PCDHGA5: variants seen among roughly 807,000 people sequenced by gnomAD.
PCDHGA5 encodes the protein protocadherin gamma subfamily A, 5, also known as protocadherin gamma-A5.
In PCDHGA5, 36 loss-of-function variants were observed where a neutral mutation model predicts 56.7. The observed-to-expected ratio is 0.64, with a 90% CI of 0.49 to 0.84. The LOEUF is 0.84. Ranked by LOEUF, PCDHGA5 falls within the 40% of genes least tolerant of loss-of-function variation. The pLI is 0.00. For missense variants in PCDHGA5, 1,305 were observed against 1,201.5 expected (o/e 1.09, Z -1.27); for synonymous variants, 563 against 520.2 (o/e 1.08, Z -1.12).
At position 141,431,108 on chromosome 5, in the gene PCDHGA5, T is replaced by C; in HGVS notation, c.2422-63699T>C. 1 of 1,614,180 alleles carries C rather than the reference T, an allele frequency of 6.2e-7. No homozygotes were observed. The highest frequency in any genetic ancestry group is 8.5e-7 in the Non-Finnish European group (1 of 1,180,032). On this transcript the variant is annotated intron_variant, in intron 1 of 3. Coordinates refer to ENST00000518069, the MANE Select transcript of PCDHGA5 (RefSeq NM_018918.3). This position sits in a 1 kb window ranked among gnomAD's most constrained non-coding sequence, Gnocchi z 4.8. ...TCTGATGGAGGATAAAGTGAAAATATATGGAGTAGAAGTAGAAGTAAGGGA... is the reference window on the plus strand; with the variant it reads ...TCTGATGGAGGATAAAGTGAAAATACATGGAGTAGAAGTAGAAGTAAGGGA...
At chr5:141,387,706 C>T in intron 1 of PCDHGA5, 1 of 992,322 alleles carries the variant, frequency 1.0e-6, no homozygotes. Flanking sequence ...CCAGGGCAGC[C>T]CCAGCTCAGA....
chr5:141,445,623 A>G (rs2098472971), intron 1 of PCDHGA5, among the ~76,000 whole-genome samples: 1 of 152,172 alleles, frequency 6.6e-6, no homozygotes, highest in South Asian at 2.1e-4. Flanking sequence ...TTTTTTTCGG[A>G]AAGTGATATT....
chr5:141,494,556 T>C (rs909822734), intron 1 of PCDHGA5, among the ~76,000 whole-genome samples: 18 of 152,120 alleles, frequency 1.2e-4, no homozygotes, highest in African/African-American at 4.3e-4. Context: ...GCCATTTCTT[T>C]AGGAAAGGAG....
intron 1 of PCDHGA5, chr5:141,379,257 A>G (rs1561582852): frequency 6.6e-6 from 1 of 152,234 alleles, no homozygotes. Flanking sequence ...TTTACATTTA[A>G]GGAATTGTTA....
At chr5:141,399,675 T>C (rs753709757) in intron 1 of PCDHGA5, 3 of 1,613,618 alleles carry the variant, frequency 1.9e-6, no homozygotes, top group South Asian at 2.2e-5. Context: ...AGCGCGCCTT[T>C]GACTACGAGC....
At chr5:141,455,503 T>C (rs1005615473) in intron 1 of PCDHGA5, among the ~76,000 whole-genome samples, 3 of 152,302 alleles carry the variant, frequency 2.0e-5, no homozygotes, top group Middle Eastern at 3.4e-3. Context: ...CTGATTTGCA[T>C]AGGGCTCAGG....
chr5:141,477,857 C>T lies in PCDHGA5; in HGVS notation c.2422-16950C>T. ...AGGTGGGAGCTCGGTGGAGATGCTG[C>T]CTCGAGGTACCTCAGCTGGCCACCT... On this transcript the variant is annotated intron_variant, in intron 1 of 3. Transcript: ENST00000518069. The surrounding 1 kb of genome is among the most constrained non-coding windows in gnomAD (Gnocchi z 4.9). The T allele has an allele frequency of 6.2e-7, 1 of 1,613,574 alleles. No individual in the cohort carries two copies. The highest frequency in any genetic ancestry group is 8.5e-7 in the Non-Finnish European group (1 of 1,179,836).
intron 1 of PCDHGA5, among the ~76,000 whole-genome samples, chr5:141,438,641 C>T (rs1285585706): frequency 0.044 from 3,509 of 79,018 alleles, 123 homozygotes; most frequent in Non-Finnish European, 0.061. Flanking sequence ...TATATACACA[C>T]ACACACACAC....
rs374836826 is a variant in PCDHGA5 at position 141,366,527 on chromosome 5, G to T, written c.2197G>T (p.Ala733Ser). ...RLLQAEGSRL[A>S]GVPASHFVGV... The stretch of plus-strand genomic sequence containing the variant: ...GCTTCAGGCTGAAGGCAGCAGGTTG[G>T]CGGGTGTGCCCGCCTCGCACTTTGT... The change falls in exon 1 of 4, where the codon GCG becomes TCG. Residue 733 changes from alanine to serine, a missense_variant. Transcript: ENST00000518069. The T allele has an allele frequency of 2.5e-6, 4 of 1,614,142 alleles. No homozygotes were observed. The highest frequency in any genetic ancestry group is 3.4e-6 in the Non-Finnish European group (4 of 1,180,060).
rs1388608588 is a variant in PCDHGA5 at position 141,481,102 on chromosome 5, A to T, written c.2422-13705A>T. The stretch of plus-strand genomic sequence containing the variant: ...GAAAAAAGAAAAGCAGTACTCTGGA[A>T]CCTACCAATCCATCATTTAGCATAT... On this transcript the variant is annotated intron_variant, in intron 1 of 3. Transcript: ENST00000518069. 3.3e-5 allele frequency among the ~76,000 whole-genome samples: 5 copies of T among 152,288 alleles called. No individual in the cohort carries two copies. The East Asian group carries it at 7.7e-4, about 24-fold the overall frequency.
At position 141,365,940 on chromosome 5, in the gene PCDHGA5, G is replaced by A. The variant is rs1433915160; in HGVS notation, c.1610G>A (p.Ser537Asn). The change falls in exon 1 of 4, where the codon AGT becomes AAT. Residue 537 changes from serine to asparagine, a missense_variant. By Grantham distance (46) the Ser-to-Asn change is conservative. Transcript: ENST00000518069. ...CAGTTGTGGGTGACAGCCAGCGACA[G>A]TGGGAACCCTCCACTTAGCAGCAAC... ...DLQLWVTASD[S>N]GNPPLSSNVS... 1 of 1,614,248 alleles carries A rather than the reference G, an allele frequency of 6.2e-7. No homozygotes were observed. The highest frequency in any genetic ancestry group is 2.2e-5 in the East Asian group (1 of 44,886).
At chr5:141,412,198 G>T (rs1248911071) in intron 1 of PCDHGA5, 1 of 152,180 alleles carries the variant, frequency 6.6e-6, no homozygotes, top group African/African-American at 2.4e-5. Flanking sequence ...ATGAAAACAG[G>T]TCATTTGACA....
rs766638463 is a variant in PCDHGA5 at position 141,476,525 on chromosome 5, A to G, written c.2422-18282A>G. ...CAACGACAACAATCCTGCTTTCCCT[A>G]CCCAGGAAATGAAATTGGAGATTAG... On this transcript the variant is annotated intron_variant, in intron 1 of 3. Transcript: ENST00000518069. This position sits in a 1 kb window ranked among gnomAD's most constrained non-coding sequence, Gnocchi z 7.6. 6 of 1,613,950 alleles carry G rather than the reference A, an allele frequency of 3.7e-6. No homozygotes were observed. The African/African-American group carries it at 6.7e-5, about 18-fold the overall frequency.
chr5:141,444,997 A>G (rs2154560871), intron 1 of PCDHGA5, among the ~76,000 whole-genome samples: 1 of 152,292 alleles, frequency 6.6e-6, no homozygotes, highest in Admixed American at 6.5e-5. Context: ...ATATATTTCC[A>G]TTTAATTAGG....
chr5:141,423,750 T>TGGG lies in PCDHGA5; in HGVS notation c.2421+57007_2421+57009dup, dbSNP rs144521096. 4.7e-3 allele frequency: 1,348 copies of TGGG among 288,070 alleles called. 1 individual carries two copies. The highest frequency in any genetic ancestry group is 5.4e-3 in the Non-Finnish European group (1,192 of 221,408). 17.8% of individuals were successfully genotyped at this position (288,070 alleles called of 1,614,324 possible). A position where few individuals can be genotyped will look rare whatever the true frequency, so the allele number is the denominator to read the frequency against. ...TTTTGAGCCTGTTATGAAAACTGTT[T>TGGG]GGGGGGGGGGTGGGGCGGCATATAT... is the stretch of plus-strand genomic sequence containing the variant. On this transcript the variant is annotated intron_variant, in intron 1 of 3. Coordinates refer to ENST00000518069, the MANE Select transcript of PCDHGA5 (RefSeq NM_018918.3).
Position 141,485,168 on chromosome 5 carries a change from G to A in PCDHGA5, c.2422-9639G>A. The A allele has an allele frequency of 6.2e-7, 1 of 1,608,668 alleles. No individual in the cohort carries two copies. Among genetic ancestry groups the A allele is most frequent in the Non-Finnish European group, 8.5e-7 (1 of 1,175,736 alleles). ...GGAGCAAGTAGAGAATTAGCGGGCG[G>A]CAGCAATGCTCCGCAAGGTGAGAAG... is the stretch of plus-strand genomic sequence containing the variant. On this transcript the variant is annotated intron_variant, in intron 1 of 3. Coordinates refer to ENST00000518069, the MANE Select transcript of PCDHGA5 (RefSeq NM_018918.3). This position sits in a 1 kb window ranked among gnomAD's most constrained non-coding sequence, Gnocchi z 5.7.
rs141605264 is a variant in PCDHGA5, at chr5:141,479,755, A to C, written c.2422-15052A>C. The C allele has an allele frequency of 2.6e-3, 390 of 152,364 alleles. 2 individuals are homozygous for C. The highest frequency in any genetic ancestry group is 9.1e-3 in the African/African-American group (378 of 41,580). 9.4% of individuals were successfully genotyped at this position (152,364 alleles called of 1,614,324 possible). On this transcript the variant is annotated intron_variant, in intron 1 of 3. Coordinates refer to ENST00000518069, the MANE Select transcript of PCDHGA5 (RefSeq NM_018918.3). ...AGTATATGCACAATGTGAAAGGTAG[A>C]TAAATTCATATCCTTAGACAGGTAA...
intron 2 of PCDHGA5, 145 bp downstream of exon 2, chr5:141,495,010 G>GT: frequency 6.6e-7 from 1 of 1,516,970 alleles, no homozygotes; most frequent in East Asian, 2.5e-5. Flanking sequence ...GTGTGCGGGG[G>GT]GCTGGCACAC....
intron 1 of PCDHGA5, chr5:141,388,609 TCA>T: frequency 6.2e-7 from 1 of 1,613,926 alleles, no homozygotes; most frequent in Non-Finnish European, 8.5e-7. Flanking sequence ...GCTCCAGTGT[TCA>T]GTCAAGACGT....
Sources: allele counts gnomAD v4.1 joint callset (sites outside exome capture counted in the v4.1 genomes callset), GRCh38; gene constraint gnomAD v4.1.1; non-coding constraint Gnocchi (gnomAD v3.1); transcripts MANE v1.5; gene names NCBI Gene and HGNC (gene_info 2026-07-23, HGNC 2026-07-21).